The following DST variants were observed in gnomAD, a reference collection of about 807,000 sequenced individuals.
DST encodes dystonin.
A neutral mutation model predicts 875.2 loss-of-function variants in DST; 253 were observed. The ratio of observed to expected loss-of-function variants is 0.29; its 90% CI spans 0.26 to 0.32. DST has a LOEUF of 0.32. DST is among the 10% of genes least tolerant of loss of function. The pLI, the probability that DST is intolerant of heterozygous loss-of-function variation, is 1.00. For missense variants in DST, 8,287 were observed against 9,111.6 expected (o/e 0.91, Z 3.68); for synonymous variants, 3,124 against 3,197.1 (o/e 0.98, Z 0.77).
chr6:56,459,944 C>T (rs2094241724), intron 103 of DST, among the ~76,000 whole-genome samples, 187 bp downstream of exon 103: 1 of 152,144 alleles, frequency 6.6e-6, no homozygotes, highest in Non-Finnish European at 1.5e-5. Context: ...CTTTCTTGGA[C>T]ACTTTTAGAC....
chr6:56,621,853 G>T (rs1294138421), intron 36 of DST, among the ~76,000 whole-genome samples: 5 of 152,150 alleles, frequency 3.3e-5, no homozygotes, highest in Non-Finnish European at 7.4e-5. Context: ...TGAATTTCAA[G>T]AATTTAATTT....
chr6:56,544,916 G>A (rs763177385), intron 61 of DST, among the ~76,000 whole-genome samples: 2 of 152,028 alleles, frequency 1.3e-5, no homozygotes, highest in Non-Finnish European at 2.9e-5. Flanking sequence ...CCAAAAATTT[G>A]GTTTAGACAG....
chr6:56,598,828 T>A (rs923058331), intron 45 of DST, 119 bp from the exon 46 acceptor site: 1 of 458,390 alleles, frequency 2.2e-6, no homozygotes, highest in African/African-American at 2.0e-5. Context: ...GTAGCTTGAA[T>A]AAACATATTG....
intron 2 of DST, among the ~76,000 whole-genome samples, chr6:56,906,874 T>C (rs766809949): frequency 1.1e-4 from 16 of 152,210 alleles, no homozygotes; most frequent in Non-Finnish European, 1.8e-4. Context: ...AACACTTATC[T>C]TGTGGCTTAT....
Position 56,593,671 on chromosome 6 carries a change from A to G in DST, c.12718T>C (p.Tyr4240His), listed in dbSNP as rs1307197997. 4.5e-5 allele frequency: 71 copies of G among 1,569,542 alleles called. No homozygotes were observed. The highest frequency in any genetic ancestry group is 5.9e-5 in the Non-Finnish European group (68 of 1,157,110). Residue 4240 changes from tyrosine to histidine, a missense_variant, in exon 48 of 104, where the codon TAC (tyrosine) becomes CAC (histidine). Coordinates refer to ENST00000680361, the MANE Select transcript of DST (RefSeq NM_001374736.1). ...DHATDRFRSL[Y>H]SKCNVLGNNL... The stretch of plus-strand genomic sequence containing the variant: ...AATCAAAATAACATTACCTTAGAGT[A>G]GAGAGACCTGAACCGATCAGTAGCA...
intron 4 of DST, among the ~76,000 whole-genome samples, chr6:56,796,151 G>C (rs917182126): frequency 1.3e-5 from 2 of 152,166 alleles, no homozygotes; most frequent in African/African-American, 4.8e-5. Context: ...CCAAAAAGAT[G>C]CAATACCTAA....
intron 4 of DST, among the ~76,000 whole-genome samples, chr6:56,833,639 T>C (rs1487038810): frequency 6.6e-6 from 1 of 151,838 alleles, no homozygotes; most frequent in Non-Finnish European, 1.5e-5. Flanking sequence ...CAAAGCAAAC[T>C]GTCAGATTGC....
chr6:56,879,332 G>A (rs192439598), intron 3 of DST, among the ~76,000 whole-genome samples: 3,566 of 152,186 alleles, frequency 0.023, 124 homozygotes, highest in African/African-American at 0.081. Flanking sequence ...TTAGCCAGGA[G>A]CGGTGGCAGG....
In DST at chr6:56,735,272, G is replaced by T; in HGVS notation, c.643C>A (p.Gln215Lys). 6.5e-7 allele frequency: 1 copy of T among 1,548,798 alleles called. No individual in the cohort carries two copies. The highest frequency in any genetic ancestry group is 1.2e-5 in the South Asian group (1 of 83,818). The change falls in exon 5 of 104, where the codon CAG (glutamine) becomes AAG (lysine). Residue 215 changes from glutamine to lysine, a missense_variant. By Grantham distance (53) the Gln-to-Lys change is moderately conservative. Around this residue, in one of 10 missense-constraint regions of DST, gnomAD observed 1,160 missense variants for 1,424.3 expected, o/e 0.81. Transcript: ENST00000680361. ...LRIADERDKV[Q>K]KKTFTKWINQ... The stretch of plus-strand genomic sequence containing the variant: ...ATCCATTTTGTAAATGTTTTCTTCT[G>T]AACTTTGTCCCGTTCATCTGGAAGG...
chr6:56,802,517 T>C (rs559751947), intron 4 of DST, among the ~76,000 whole-genome samples: 10 of 152,292 alleles, frequency 6.6e-5, no homozygotes, highest in Non-Finnish European at 1.5e-4. Flanking sequence ...CTAGTAGGAT[T>C]CAACCACTGA....
At chr6:56,905,766 A>G (rs1356637706) in intron 2 of DST, among the ~76,000 whole-genome samples, 1 of 151,870 alleles carries the variant, frequency 6.6e-6, no homozygotes, top group Non-Finnish European at 1.5e-5. Flanking sequence ...CTCCTGCCTC[A>G]GCCTCCCAAG....
chr6:56,608,078 C>T lies in DST; in HGVS notation c.6550G>A (p.Asp2184Asn), dbSNP rs754394733. 24 of 1,613,436 alleles carry T rather than the reference C, an allele frequency of 1.5e-5. No homozygotes were observed. The highest frequency in any genetic ancestry group is 2.0e-5 in the Non-Finnish European group (24 of 1,179,726). Residue 2184 changes from aspartate to asparagine, a missense_variant, in exon 40 of 104, where the codon GAT (aspartate) becomes AAT (asparagine). Asp to Asn is a conservative substitution (Grantham distance 23). Transcript: ENST00000680361. ...TGAGTAGTGACAGGTTCTTCTCCAT[C>T]AAAAACATCCTCTTCTTGTCTGTAA... ...HDYRQEEDVF[D>N]GEEPVTTQTS...
At position 56,640,248 on chromosome 6, in the gene DST, G is replaced by A. The variant is rs774477721; in HGVS notation, c.2385C>T (p.Ile795=). The change falls in exon 18 of 104, where the codon ATC becomes ATT. Residue 795 remains isoleucine, a synonymous_variant. Coordinates refer to ENST00000680361, the MANE Select transcript of DST (RefSeq NM_001374736.1). ...AAGAAGACTTTAGAAGGGGTTTTCG[G>A]ATCTGCATCAACTTCAAAGTTTGCA... ...NSLQTLKLMQ[I]RKPLLKSSLL... 13 of 1,614,134 alleles carry A rather than the reference G, an allele frequency of 8.1e-6. No homozygotes were observed. In the South Asian group the frequency reaches 1.1e-4, roughly 14 times the overall value.
chr6:56,463,942 A>C, intron 100 of DST, 178 bp from the exon 101 acceptor site: 1 of 739,130 alleles, frequency 1.4e-6, no homozygotes, highest in Non-Finnish European at 2.4e-6. Flanking sequence ...ATTCCTTTAC[A>C]ATGCATTCCT....
intron 9 of DST, among the ~76,000 whole-genome samples, chr6:56,679,933 T>C (rs2099149221): frequency 6.6e-6 from 1 of 152,216 alleles, no homozygotes; most frequent in African/African-American, 2.4e-5. Flanking sequence ...TTTGCTCCCA[T>C]ATGACCTCCT....
At chr6:56,551,201 A>G (rs1188087669) in intron 61 of DST, among the ~76,000 whole-genome samples, 2 of 152,218 alleles carry the variant, frequency 1.3e-5, no homozygotes, top group African/African-American at 2.4e-5. Context: ...GAGTTTATCA[A>G]CTATAACTGC....
intron 36 of DST, chr6:56,619,055 AC>A (rs1224980641): frequency 1.2e-6 from 2 of 1,614,064 alleles, no homozygotes; most frequent in Non-Finnish European, 1.7e-6. Context: ...AAATTCACTT[AC>A]CAAATTTTGA....
intron 15 of DST, 143 bp from the exon 16 acceptor site, chr6:56,642,646 C>A: frequency 1.2e-6 from 2 of 1,614,090 alleles, no homozygotes; most frequent in Non-Finnish European, 1.7e-6. Context: ...GGATTCACTG[C>A]CGAAGCTAAT....
At chr6:56,466,940 A>G (rs1396109261) in intron 98 of DST, 1 of 152,200 alleles carries the variant, frequency 6.6e-6, no homozygotes, top group Non-Finnish European at 1.5e-5. Flanking sequence ...CTAACAGGCA[A>G]TCATCTTTTT....
Sources: gnomAD v4.1 joint callset for allele counts (sites outside exome capture counted in the v4.1 genomes callset) on GRCh38, gnomAD v4.1.1 for gene constraint, gnomAD v4.1.1 regional missense constraint, MANE v1.5 for transcripts, NCBI Gene and HGNC (gene_info 2026-07-23, HGNC 2026-07-21) for gene names.